Variants in PBX3 observed in about 807,000 individuals in gnomAD.
The protein encoded by PBX3 is pre-B-cell leukemia transcription factor 3.
In PBX3, 14 loss-of-function variants were observed where a neutral mutation model predicts 48.5. The ratio of observed to expected loss-of-function variants is 0.29; its 90% CI spans 0.19 to 0.45. PBX3 has a LOEUF of 0.45. PBX3 is among the 20% of genes least tolerant of loss of function. The probability of loss-of-function intolerance (pLI) is 1.00; values close to 1 mark genes in which losing one functional copy is unlikely to be tolerated. For synonymous variants in PBX3, 210 were observed against 200.3 expected, an observed-to-expected ratio of 1.05 and a Z score of -0.41; for missense variants, 386 against 546.7, an observed-to-expected ratio of 0.71 and a Z score of 2.93.
Position 125,891,413 on chromosome 9 carries a change from G to A in PBX3, c.275-24273G>A, listed in dbSNP as rs560308286. On this transcript the variant is annotated intron_variant, in intron 2 of 8. Transcript: ENST00000373489. ...GACTTAGAAAATGGCAGTTCCGTGA[G>A]GTTCAGTCAAATGGACAGTATTGGT... Among the ~76,000 whole-genome samples the A allele has an allele frequency of 2.6e-5, 4 of 152,294 alleles. No homozygotes were observed. The South Asian group carries it at 6.2e-4, about 24-fold the overall frequency.
At chr9:125,933,599 A>G (rs967016422) in intron 4 of PBX3, among the ~76,000 whole-genome samples, 2 of 151,992 alleles carry the variant, frequency 1.3e-5, no homozygotes, top group African/African-American at 4.8e-5. Flanking sequence ...TTGCTTACAT[A>G]TAGTGGAATT....
intron 2 of PBX3, among the ~76,000 whole-genome samples, chr9:125,780,504 C>T (rs1221295005): frequency 7.2e-6 from 1 of 138,342 alleles, no homozygotes; most frequent in African/African-American, 2.8e-5. Context: ...GGCGTCTGGC[C>T]GGGTGGGGGG....
intron 5 of PBX3, among the ~76,000 whole-genome samples, chr9:125,958,292 C>T (rs1251994465): frequency 6.6e-6 from 1 of 152,356 alleles, no homozygotes; most frequent in East Asian, 1.9e-4. Flanking sequence ...ACTGCTCTGC[C>T]TGGCTCAGGC....
intron 2 of PBX3, among the ~76,000 whole-genome samples, chr9:125,795,435 T>C (rs1354201025): frequency 6.6e-6 from 1 of 152,236 alleles, no homozygotes; most frequent in Non-Finnish European, 1.5e-5. Flanking sequence ...TTTACTGATA[T>C]TATATTCTTT....
At chr9:125,824,922 G>A (rs1172942831) in intron 2 of PBX3, among the ~76,000 whole-genome samples, 1 of 152,094 alleles carries the variant, frequency 6.6e-6, no homozygotes, top group Admixed American at 6.6e-5. Context: ...TCAACTCTAT[G>A]ATTTAGGCCA....
At chr9:125,756,337 T>G (rs79859184) in intron 2 of PBX3, among the ~76,000 whole-genome samples, 3,076 of 152,270 alleles carry the variant, frequency 0.02, 177 homozygotes, top group East Asian at 0.17. Context: ...TTGTGATATT[T>G]CTTATATTCT....
chr9:125,843,815 A>G, intron 2 of PBX3: 1 of 455,978 alleles, frequency 2.2e-6, no homozygotes, highest in Middle Eastern at 3.3e-4. Flanking sequence ...GATGAGAGGT[A>G]CAGAATTACA....
At chr9:125,819,381 C>T (rs1838578156) in intron 2 of PBX3, among the ~76,000 whole-genome samples, 1 of 151,712 alleles carries the variant, frequency 6.6e-6, no homozygotes, top group Non-Finnish European at 1.5e-5. Flanking sequence ...ACAAAATTAG[C>T]TGGGTGTGGT....
chr9:125,760,514 G>A (rs1462791094), intron 2 of PBX3, among the ~76,000 whole-genome samples: 1 of 152,046 alleles, frequency 6.6e-6, no homozygotes, highest in Admixed American at 6.6e-5. Context: ...ATGGCATATT[G>A]TGATGATATT....
rs568480633 is a variant in PBX3 at position 125,958,358 on chromosome 9, A to G, written c.844-2326A>G. Among the ~76,000 whole-genome samples, 9 of 152,276 alleles carry G rather than the reference A, an allele frequency of 5.9e-5. 1 individual carries two copies. The highest frequency in any genetic ancestry group is 1.9e-4 in the African/African-American group (8 of 41,548). On this transcript the variant is annotated intron_variant, in intron 5 of 8. Transcript: ENST00000373489. ...TAACTTCCTCCTGTTGCCACATCCT[A>G]TGCAGTTATAATGCACACCTGCTGT...
chr9:125,858,712 G>A (rs1435884783), intron 2 of PBX3, among the ~76,000 whole-genome samples: 5 of 139,854 alleles, frequency 3.6e-5, no homozygotes, highest in African/African-American at 8.0e-5. Flanking sequence ...TGCAACCTCC[G>A]CCTCCTGGGT....
chr9:125,950,183 C>T (rs1191388899), intron 5 of PBX3, among the ~76,000 whole-genome samples: 6 of 152,260 alleles, frequency 3.9e-5, no homozygotes, highest in South Asian at 4.2e-4. Context: ...GTACTGTGGC[C>T]GCAAGGCTGA....
intron 2 of PBX3, among the ~76,000 whole-genome samples, chr9:125,895,088 A>T (rs1228824534): frequency 6.6e-6 from 1 of 152,088 alleles, no homozygotes; most frequent in Non-Finnish European, 1.5e-5. Flanking sequence ...TTCAGAGAAA[A>T]TTTTGATTCT....
intron 2 of PBX3, among the ~76,000 whole-genome samples, chr9:125,874,122 A>C (rs909801884): frequency 4.6e-5 from 7 of 152,198 alleles, no homozygotes; most frequent in African/African-American, 1.7e-4. Flanking sequence ...TGGTAGAAAT[A>C]CAGAAATGAG....
chr9:125,774,594 G>A (rs1480429378), intron 2 of PBX3, among the ~76,000 whole-genome samples: 1 of 151,496 alleles, frequency 6.6e-6, no homozygotes, highest in African/African-American at 2.4e-5. Context: ...TTTAATGGCT[G>A]AGTAATATTT....
intron 6 of PBX3, among the ~76,000 whole-genome samples, chr9:125,961,554 C>T (rs998963592): frequency 2.0e-5 from 3 of 152,170 alleles, no homozygotes; most frequent in Admixed American, 6.5e-5. Context: ...CTGAGAAGGT[C>T]TCTTAGCTAT....
chr9:125,789,595 T>C (rs1167313379), intron 2 of PBX3, among the ~76,000 whole-genome samples: 2 of 152,148 alleles, frequency 1.3e-5, no homozygotes, highest in Non-Finnish European at 2.9e-5. Flanking sequence ...TCACAGTGTT[T>C]TTGTAACCTA....
intron 2 of PBX3, among the ~76,000 whole-genome samples, chr9:125,867,657 A>AC (rs71376120): frequency 5.4e-5 from 8 of 149,486 alleles, no homozygotes; most frequent in Admixed American, 2.0e-4. Flanking sequence ...AAAAAAAAAA[A>AC]CCACAAAAAC....
chr9:125,837,354 T>C (rs900560501), intron 2 of PBX3, among the ~76,000 whole-genome samples: 2 of 150,534 alleles, frequency 1.3e-5, no homozygotes, highest in Non-Finnish European at 3.0e-5. Flanking sequence ...TGTGTGTGTA[T>C]ATATATTACA....
Sources: gnomAD v4.1 joint callset for allele counts (sites outside exome capture counted in the v4.1 genomes callset) on GRCh38, gnomAD v4.1.1 for gene constraint, MANE v1.5 for transcripts, NCBI Gene and HGNC (gene_info 2026-07-23, HGNC 2026-07-21) for gene names.